LRP8: variants seen among roughly 807,000 people sequenced by gnomAD.
LRP8 encodes LDL receptor related protein 8.
In LRP8, 46 loss-of-function variants were observed where a neutral mutation model predicts 111.6. That is an observed-to-expected ratio of 0.41 (90% CI 0.33 to 0.53). LRP8 has a LOEUF of 0.53. LRP8 is among the 20% of genes least tolerant of loss of function. LRP8 has a pLI of 0.20. For missense variants in LRP8, 959 were observed against 1,297.4 expected (o/e 0.74, Z 4.01); for synonymous variants, 464 against 511.2 (o/e 0.91, Z 1.24).
chr1:53,326,187 CA>C (rs1479783840), intron 2 of LRP8, among the ~76,000 whole-genome samples: 3 of 152,352 alleles, frequency 2.0e-5, no homozygotes, highest in East Asian at 3.9e-4. Flanking sequence ...CAGGGTGGCT[CA>C]AAAAGGTCTT....
In LRP8 at chr1:53,246,705, C is replaced by A; in HGVS notation, c.*313G>T. On this transcript the variant is annotated 3_prime_UTR_variant, in exon 19 of 19. Coordinates refer to ENST00000306052, the MANE Select transcript of LRP8 (RefSeq NM_004631.5). ...TTAAATGATGAGTAAGGTACTGTGC[C>A]ATTGGCCCCCATTTGGTTATGTGCA... 1 of 353,970 alleles carries A rather than the reference C, an allele frequency of 2.8e-6. No homozygotes were observed. Among genetic ancestry groups the A allele is most frequent in the South Asian group, 4.0e-5 (1 of 25,100 alleles). The allele number at this position is 353,970 out of a possible 1,614,324, so 21.9% of individuals were successfully genotyped here. A position where few individuals can be genotyped will look rare whatever the true frequency, so the allele number is the denominator to read the frequency against.
At chr1:53,274,466 A>G (rs1235943473) in intron 6 of LRP8, among the ~76,000 whole-genome samples, 1 of 152,226 alleles carries the variant, frequency 6.6e-6, no homozygotes, top group Non-Finnish European at 1.5e-5. Context: ...GTGAGAGAAA[A>G]CATAATTTTT....
chr1:53,246,093 C>G lies in LRP8; in HGVS notation c.*925G>C, dbSNP rs910863184. 1 of 152,208 alleles carries G rather than the reference C, an allele frequency of 6.6e-6. No individual in the cohort carries two copies. Among genetic ancestry groups the G allele is most frequent in the Non-Finnish European group, 1.5e-5 (1 of 68,056 alleles). The allele number at this position is 152,208 out of a possible 1,614,324, so 9.4% of individuals were successfully genotyped here. On this transcript the variant is annotated 3_prime_UTR_variant, in exon 19 of 19. Coordinates refer to ENST00000306052, the MANE Select transcript of LRP8 (RefSeq NM_004631.5). ...TGAGCACTCTGGTACCATGGAATGT[C>G]TGTACACTGACCTTCGCCAAAGCCA...
intron 2 of LRP8, among the ~76,000 whole-genome samples, chr1:53,322,366 G>A (rs1011727798): frequency 1.3e-5 from 2 of 152,204 alleles, no homozygotes; most frequent in Non-Finnish European, 2.9e-5. Context: ...GCTTCCTAGA[G>A]GAGGTGACAC....
intron 4 of LRP8, among the ~76,000 whole-genome samples, chr1:53,278,456 A>G (rs1646998522): frequency 6.6e-6 from 1 of 152,232 alleles, no homozygotes; most frequent in South Asian, 2.1e-4. Context: ...TGATGGAAAA[A>G]TGTGAATTTT....
At chr1:53,280,786 AC>A in intron 3 of LRP8, 71 bp from the exon 4 acceptor site, 4 of 1,575,440 alleles carry the variant, frequency 2.5e-6, no homozygotes, top group Non-Finnish European at 3.4e-6. Context: ...CAGTCCTACC[AC>A]CCTGTTCCAG....
Position 53,294,254 on chromosome 1 carries a change from T to G in LRP8, c.245-4565A>C, listed in dbSNP as rs185354235. ...TCAACCAGGGTCTGCGACATCATAATCTGGTGCCATGGCAACAGATGGGCT... is the reference window on the plus strand; with the variant it reads ...TCAACCAGGGTCTGCGACATCATAAGCTGGTGCCATGGCAACAGATGGGCT... On this transcript the variant is annotated intron_variant, in intron 2 of 18. Coordinates refer to ENST00000306052, the MANE Select transcript of LRP8 (RefSeq NM_004631.5). This position sits in a 1 kb window ranked among gnomAD's most constrained non-coding sequence, Gnocchi z 4.1. Among the ~76,000 whole-genome samples, 120 of 152,288 alleles carry G rather than the reference T, an allele frequency of 7.9e-4. No homozygotes were observed. The highest frequency in any genetic ancestry group is 2.8e-3 in the African/African-American group (116 of 41,556).
intron 2 of LRP8, among the ~76,000 whole-genome samples, chr1:53,313,842 G>T (rs541227568): frequency 1.3e-5 from 2 of 152,344 alleles, no homozygotes; most frequent in South Asian, 4.1e-4. Context: ...CAGAAGCTGA[G>T]CGAGGAAAGG....
chr1:53,257,454 A>G lies in LRP8; in HGVS notation c.2220T>C (p.Ser740=). 1 of 1,614,044 alleles carries G rather than the reference A, an allele frequency of 6.2e-7. No individual in the cohort carries two copies. The highest frequency in any genetic ancestry group is 8.5e-7 in the Non-Finnish European group (1 of 1,179,934). The part of the protein sequence containing the change: ...DMKRCYRAPQ[S]TSTTTLASTM... ...TAGAAGCTAACGTCGTAGTTGAGGT[A>G]GATTGAGGTGCTGGAGGGGAAATAC... is the stretch of plus-strand genomic sequence containing the variant. Residue 740 remains serine, a synonymous_variant, in exon 15 of 19, where the codon TCT becomes TCC. Coordinates refer to ENST00000306052, the MANE Select transcript of LRP8 (RefSeq NM_004631.5).
intron 2 of LRP8, among the ~76,000 whole-genome samples, chr1:53,309,031 T>C (rs1443570574): frequency 1.3e-5 from 2 of 152,088 alleles, no homozygotes; most frequent in African/African-American, 4.8e-5. Context: ...TCCCAGCACT[T>C]TGGGAGGCTG....
chr1:53,319,785 T>C lies in LRP8; in HGVS notation c.244+7088A>G, dbSNP rs571403655. 1.4e-4 allele frequency among the ~76,000 whole-genome samples: 21 copies of C among 152,342 alleles called. No individual in the cohort carries two copies. The South Asian group carries it at 3.9e-3, about 29-fold the overall frequency. ...AACCGCTGCCGGGGGACCCAGCTCA[T>C]GCTGGAGGGCGCCCAAGGGGCTGGG... is the stretch of plus-strand genomic sequence containing the variant. On this transcript the variant is annotated intron_variant, in intron 2 of 18. Transcript: ENST00000306052.
Position 53,271,297 on chromosome 1 carries a change from A to G in LRP8, c.1056T>C (p.Thr352=). Residue 352 remains threonine (T), a synonymous_variant, in exon 7 of 19, where the codon ACT becomes ACC. Coordinates refer to ENST00000306052, the MANE Select transcript of LRP8 (RefSeq NM_004631.5). ...HNNGGCSHIC[T]DLKIGFECTC... ...TGCATTCAAAGCCAATCTTGAGGTC[A>G]GTGCAGATGTGTGAGCAGCCGCCAT... 6.2e-7 allele frequency: 1 copy of G among 1,613,984 alleles called. No individual in the cohort carries two copies. The highest frequency in any genetic ancestry group is 8.5e-7 in the Non-Finnish European group (1 of 1,180,004).
chr1:53,300,243 C>T (rs748097399), intron 2 of LRP8, among the ~76,000 whole-genome samples: 1 of 152,224 alleles, frequency 6.6e-6, no homozygotes, highest in Non-Finnish European at 1.5e-5. Flanking sequence ...GGTGCTTTTG[C>T]TCACGCAGCT....
chr1:53,284,183 T>C (rs112902459), intron 3 of LRP8, among the ~76,000 whole-genome samples: 1 of 121,712 alleles, frequency 8.2e-6, no homozygotes. Flanking sequence ...ACCTACTACA[T>C]ACCCGGGCCG....
intron 2 of LRP8, among the ~76,000 whole-genome samples, chr1:53,320,399 C>T (rs965383515): frequency 6.6e-6 from 1 of 152,308 alleles, no homozygotes; most frequent in East Asian, 1.9e-4. Context: ...ATTGAGGACA[C>T]CTGAGTTCTG....
chr1:53,262,630 A>G lies in LRP8; in HGVS notation c.1656-66T>C. On this transcript the variant is annotated intron_variant, in intron 10 of 18. Transcript: ENST00000306052. This position sits in a 1 kb window ranked among gnomAD's most constrained non-coding sequence, Gnocchi z 4.8. ...CATGACCGGGGTGGTCTGAGTCACA[A>G]GAGCTCAATAACCCATTGACTAGTT... is the stretch of plus-strand genomic sequence containing the variant. 1.6e-6 allele frequency: 2 copies of G among 1,222,798 alleles called. No homozygotes were observed. The highest frequency in any genetic ancestry group is 2.4e-6 in the Non-Finnish European group (2 of 827,700). 75.7% of individuals were successfully genotyped at this position (1,222,798 alleles called of 1,614,324 possible).
At chr1:53,261,569 TC>T (rs1646341509) in intron 12 of LRP8, among the ~76,000 whole-genome samples, 2 of 152,102 alleles carry the variant, frequency 1.3e-5, no homozygotes, top group African/African-American at 2.4e-5. Flanking sequence ...CACAGGAGGG[TC>T]TTCGCTCCTC....
At position 53,310,693 on chromosome 1, in the gene LRP8, G is replaced by A. The variant is rs1280111868; in HGVS notation, c.244+16180C>T. ...AAGCCTGGGAGCCATGGAGCCTCTC[G>A]GGAAGAACCAGAAAGAACTTCGTTT... On this transcript the variant is annotated intron_variant, in intron 2 of 18. Coordinates refer to ENST00000306052, the MANE Select transcript of LRP8 (RefSeq NM_004631.5). Among the ~76,000 whole-genome samples, 5 of 152,256 alleles carry A rather than the reference G, an allele frequency of 3.3e-5. 1 individual carries two copies. Among genetic ancestry groups the A allele is most frequent in the South Asian group, 4.2e-4 (2 of 4,816 alleles).
In LRP8 at chr1:53,249,425, T is replaced by C. The variant is rs1220981316; in HGVS notation, c.2808A>G (p.Gln936=). The C allele has an allele frequency of 6.2e-7, 1 of 1,613,858 alleles. No homozygotes were observed. Among genetic ancestry groups the C allele is most frequent in the East Asian group, 2.2e-5 (1 of 44,878 alleles). Residue 936 remains glutamine, a synonymous_variant, in exon 18 of 19, where the codon CAA becomes CAG. Transcript: ENST00000306052. This position sits in a 1 kb window ranked among gnomAD's most constrained non-coding sequence, Gnocchi z 4.1. ...GCTCGGAAAGAGGGTTCTTCGGGAGTTGGTGCAGCTGTGACCTTGGTTCCC... is the reference window on the plus strand; with the variant it reads ...GCTCGGAAAGAGGGTTCTTCGGGAGCTGGTGCAGCTGTGACCTTGGTTCCC... The part of the protein sequence containing the change: ...LPGEPRSQLH[Q]LPKNPLSELP...
Sources: allele counts gnomAD v4.1 joint callset (sites outside exome capture counted in the v4.1 genomes callset), GRCh38; gene constraint gnomAD v4.1.1; non-coding constraint Gnocchi (gnomAD v3.1); transcripts MANE v1.5; gene names NCBI Gene and HGNC (gene_info 2026-07-23, HGNC 2026-07-21).